The following RAB6A variants were observed in gnomAD, a reference collection of about 807,000 sequenced individuals.
RAB6A encodes RAB6A, member RAS oncogene family, also known as ras-related protein Rab-6A.
In RAB6A, 8 loss-of-function variants were observed where a neutral mutation model predicts 32.3. That is an observed-to-expected ratio of 0.25 (90% confidence interval 0.15 to 0.45). The LOEUF (loss-of-function observed/expected upper bound fraction) is 0.45. RAB6A is among the 20% of genes least tolerant of loss of function. The probability of loss-of-function intolerance (pLI) is 1.00; values close to 1 mark genes in which losing one functional copy is unlikely to be tolerated. For missense variants in RAB6A, 104 were observed against 249.4 expected (o/e 0.42, Z 3.93); for synonymous variants, 73 against 82.1 (o/e 0.89, Z 0.60).
In RAB6A at chr11:73,679,433, A is replaced by C. The variant is rs527288376; in HGVS notation, c.562+221T>G. ...CTGCTCATTTAAAAGCAAGCAAACA[A>C]ACACAAAACCTCTCACTGATTAACA... is the stretch of plus-strand genomic sequence containing the variant. On this transcript the variant is annotated intron_variant, in intron 7 of 7. Coordinates refer to ENST00000336083, the MANE Select transcript of RAB6A (RefSeq NM_198896.2). 2.6e-5 allele frequency among the ~76,000 whole-genome samples: 4 copies of C among 152,352 alleles called. No individual in the cohort carries two copies. The South Asian group carries it at 6.2e-4, about 24-fold the overall frequency.
chr11:73,721,495 C>T (rs1447147943), intron 2 of RAB6A, among the ~76,000 whole-genome samples: 2 of 152,048 alleles, frequency 1.3e-5, no homozygotes, highest in African/African-American at 4.8e-5. Context: ...AGTTCTATTG[C>T]CTGGCTGCTG....
rs1334040132 is a variant in RAB6A, at chr11:73,707,424, T to C, written c.491A>G (p.Lys164Arg). 1 of 1,609,598 alleles carries C rather than the reference T, an allele frequency of 6.2e-7. No individual in the cohort carries two copies. Among genetic ancestry groups the C allele is most frequent in the African/African-American group, 1.3e-5 (1 of 74,828 alleles). ...GGTAACCTCAACTCAACTTACCTGC[T>C]TTACATTGTATCCAGCTTTTGCACT... ...ETSAKAGYNV[K>R]QLFRRVAAAL... The change falls in exon 6 of 8, where the codon AAG (lysine) becomes AGG (arginine). Residue 164 changes from lysine (K) to arginine (R), a missense_variant. Physicochemically the swap from Lys to Arg is conservative, Grantham distance 26. This residue lies in a region of RAB6A where 33 missense variants were observed against 59.5 expected (regional missense o/e 0.55). Coordinates refer to ENST00000336083, the MANE Select transcript of RAB6A (RefSeq NM_198896.2).
intron 1 of RAB6A, among the ~76,000 whole-genome samples, chr11:73,745,044 T>A (rs1047328204): frequency 6.6e-6 from 1 of 151,584 alleles, no homozygotes; most frequent in African/African-American, 2.4e-5. Context: ...ACTCACTTTA[T>A]CAGCATTATT....
intron 1 of RAB6A, among the ~76,000 whole-genome samples, chr11:73,736,995 AAAGAAG>A (rs1565372834): frequency 6.7e-6 from 1 of 149,526 alleles, no homozygotes; most frequent in Non-Finnish European, 1.5e-5. Context: ...AAAAAAAAAA[AAAGAAG>A]AAAGAAAGAA....
At chr11:73,725,106 T>C (rs1043713565) in intron 2 of RAB6A, among the ~76,000 whole-genome samples, 9 of 152,222 alleles carry the variant, frequency 5.9e-5, no homozygotes, top group Admixed American at 3.9e-4. Flanking sequence ...CAAATACTGT[T>C]ACATGTACTT....
intron 1 of RAB6A, among the ~76,000 whole-genome samples, chr11:73,753,190 C>T (rs1349849684): frequency 1.3e-5 from 2 of 152,122 alleles, no homozygotes; most frequent in Admixed American, 1.3e-4. Flanking sequence ...CTCGTGGCTG[C>T]AGTGAGCTAT....
intron 6 of RAB6A, among the ~76,000 whole-genome samples, chr11:73,682,390 A>G (rs1205612131): frequency 1.3e-5 from 2 of 152,140 alleles, no homozygotes; most frequent in African/African-American, 4.8e-5. Flanking sequence ...TAGGCCGAGC[A>G]TGGTGGCTCA....
At chr11:73,751,033 G>A (rs1169386366) in intron 1 of RAB6A, among the ~76,000 whole-genome samples, 1 of 151,952 alleles carries the variant, frequency 6.6e-6, no homozygotes, top group African/African-American at 2.4e-5. Context: ...TCCAACTCCT[G>A]GCCTCAAGCA....
intron 5 of RAB6A, among the ~76,000 whole-genome samples, chr11:73,712,728 C>CTTT (rs57665830): frequency 0.012 from 1,691 of 142,730 alleles, 35 homozygotes; most frequent in African/African-American, 0.035. Flanking sequence ...ATTATAGAGG[C>CTTT]TTTTTTTTTT....
intron 6 of RAB6A, among the ~76,000 whole-genome samples, chr11:73,684,553 G>C (rs542413453): frequency 3.9e-5 from 6 of 152,332 alleles, no homozygotes; most frequent in African/African-American, 1.4e-4. Context: ...TTGGAAACCA[G>C]AAAATTCATG....
intron 2 of RAB6A, among the ~76,000 whole-genome samples, chr11:73,726,337 C>CT (rs1325252975): frequency 6.7e-6 from 1 of 149,686 alleles, no homozygotes; most frequent in Non-Finnish European, 1.5e-5. Context: ...AATCCCAGCA[C>CT]TTTGAGAGGC....
At chr11:73,757,178 C>T (rs1246798006) in intron 1 of RAB6A, among the ~76,000 whole-genome samples, 1 of 109,678 alleles carries the variant, frequency 9.1e-6, no homozygotes, top group Non-Finnish European at 1.7e-5. Flanking sequence ...GAGTCTCACT[C>T]TGTCACCCAG....
chr11:73,698,887 T>C (rs1945697753), intron 6 of RAB6A, among the ~76,000 whole-genome samples: 1 of 145,326 alleles, frequency 6.9e-6, no homozygotes, highest in Admixed American at 7.4e-5. Flanking sequence ...AGTCTTGCTC[T>C]GTCGCCCAGG....
At chr11:73,699,270 T>G (rs1221687394) in intron 6 of RAB6A, among the ~76,000 whole-genome samples, 3 of 152,084 alleles carry the variant, frequency 2.0e-5, no homozygotes, top group Non-Finnish European at 4.4e-5. Flanking sequence ...CCTTTTTAAT[T>G]TTTTTGAATC....
chr11:73,694,887 A>G (rs932790025), intron 6 of RAB6A, among the ~76,000 whole-genome samples: 7 of 152,120 alleles, frequency 4.6e-5, no homozygotes, highest in Admixed American at 2.6e-4. Context: ...ATGGTGGCAC[A>G]CGCGTGCAAT....
rs200545320 is a variant in RAB6A at position 73,710,213 on chromosome 11, G to A, written c.402-2700C>T. Among the ~76,000 whole-genome samples the A allele has an allele frequency of 1.6e-3, 239 of 149,008 alleles. 9 individuals carry two copies. In the East Asian group the frequency reaches 0.04, roughly 25 times the overall value. On this transcript the variant is annotated intron_variant, in intron 5 of 7. Transcript: ENST00000336083. The stretch of plus-strand genomic sequence containing the variant: ...GATCTCCGGACCTCGTGATCCACCC[G>A]CCTTGGCCTCCCAAAGTGCTGGGAT...
Position 73,760,720 on chromosome 11 carries a change from C to A in RAB6A, c.-85G>T, listed in dbSNP as rs546901132. 489 of 1,533,780 alleles carry A rather than the reference C, an allele frequency of 3.2e-4. 1 individual carries two copies. In the African/African-American group the frequency reaches 6.0e-3, roughly 19 times the overall value. ...CCAGCCAGCTGACGAAAAAGGCGAG[C>A]GGAAGGGCGGGCACCGAGCTCTCTC... On this transcript the variant is annotated 5_prime_UTR_variant, in exon 1 of 8. Coordinates refer to ENST00000336083, the MANE Select transcript of RAB6A (RefSeq NM_198896.2).
chr11:73,751,868 CAG>C (rs1240348632), intron 1 of RAB6A, among the ~76,000 whole-genome samples: 2 of 152,068 alleles, frequency 1.3e-5, no homozygotes, highest in African/African-American at 2.4e-5. Context: ...GACCTAACAT[CAG>C]AGACTCCCAA....
At chr11:73,700,093 G>C (rs1237239066) in intron 6 of RAB6A, among the ~76,000 whole-genome samples, 5 of 152,112 alleles carry the variant, frequency 3.3e-5, no homozygotes, top group Non-Finnish European at 7.4e-5. Context: ...AGAAGTTGAA[G>C]ATCAAGGAGT....
Sources: gnomAD v4.1 joint callset for allele counts (sites outside exome capture counted in the v4.1 genomes callset) on GRCh38, gnomAD v4.1.1 for gene constraint, gnomAD v4.1.1 regional missense constraint, MANE v1.5 for transcripts, NCBI Gene and HGNC (gene_info 2026-07-23, HGNC 2026-07-21) for gene names.